ZNF671: variants seen among roughly 807,000 people sequenced by gnomAD.
The protein encoded by ZNF671 is zinc finger protein 671.
Under a neutral mutation model 16.6 loss-of-function variants are expected in ZNF671, and 19 were observed. That is an observed-to-expected ratio of 1.14 (90% CI 0.80 to 1.68). The LOEUF (loss-of-function observed/expected upper bound fraction) is 1.68, where lower values mean the gene tolerates loss of function less well. Among genes scored for constraint, ZNF671 ranks in the 40% most tolerant of loss-of-function variants. The pLI, the probability that ZNF671 is intolerant of heterozygous loss-of-function variation, is 0.00. For synonymous variants in ZNF671, 238 were observed against 236.3 expected (o/e 1.01, Z -0.06); for missense variants, 637 against 659.8 (o/e 0.97, Z 0.38).
chr19:57,724,527 A>T (rs75026112), intron 1 of ZNF671, among the ~76,000 whole-genome samples: 2 of 143,514 alleles, frequency 1.4e-5, no homozygotes, highest in Non-Finnish European at 1.5e-5. Context: ...ACACATAACA[A>T]TTTTTTTTTT....
chr19:57,727,198 T>A (rs192767319), intron 1 of ZNF671, 193 bp downstream of exon 1: 11 of 633,766 alleles, frequency 1.7e-5, no homozygotes, highest in Non-Finnish European at 2.8e-5. Context: ...TCCCAAATGT[T>A]TGGGGGTCAG....
intron 1 of ZNF671, among the ~76,000 whole-genome samples, chr19:57,724,405 A>G (rs1339058658): frequency 6.6e-6 from 1 of 152,146 alleles, no homozygotes; most frequent in African/African-American, 2.4e-5. Flanking sequence ...CTTAGAGGCC[A>G]CTGTAGGGTT....
At chr19:57,721,967 C>T in intron 3 of ZNF671, 1 of 564,608 alleles carries the variant, frequency 1.8e-6, no homozygotes, top group Non-Finnish European at 3.1e-6. Flanking sequence ...CTCGTGAGTG[C>T]TATGAAAAAT....
rs1263004579 is a variant in ZNF671, at chr19:57,721,141, A to T, written c.945T>A (p.Cys315Ter). ...GGCTGAAGAATTTCCCACATTCGTTACACTCATAAGGCCTTTCTCCAGTGT... is the reference window on the plus strand; with the variant it reads ...GGCTGAAGAATTTCCCACATTCGTTTCACTCATAAGGCCTTTCTCCAGTGT... ...RIHTGERPYE[C>*]NECGKFFSQS... Residue 315 changes from cysteine (C) to a stop codon, truncating the protein, a stop_gained, in exon 4 of 4, where the codon TGT (cysteine) becomes TGA (stop). Coordinates refer to ENST00000317398, the MANE Select transcript of ZNF671 (RefSeq NM_024833.3). LOFTEE classifies it low-confidence loss of function (END_TRUNC). The T allele has an allele frequency of 1.2e-6, 2 of 1,613,694 alleles. No homozygotes were observed. The highest frequency in any genetic ancestry group is 2.7e-5 in the African/African-American group (2 of 74,810).
rs1188217883 is a variant in ZNF671 at position 57,720,339 on chromosome 19, G to C, written c.*142C>G. 4.2e-6 allele frequency: 5 copies of C among 1,195,376 alleles called. No homozygotes were observed. Among genetic ancestry groups the C allele is most frequent in the Non-Finnish European group, 5.9e-6 (5 of 854,590 alleles). The allele number at this position is 1,195,376 out of a possible 1,614,324, so 74.0% of individuals were successfully genotyped here. On this transcript the variant is annotated 3_prime_UTR_variant, in exon 4 of 4. Transcript: ENST00000317398. ...GACTGCTAAGGCCTGTGTCCGGTGT[G>C]AAATTCCCAATGGCGGGTAAGGTTC...
chr19:57,723,477 C>T, intron 1 of ZNF671, 137 bp from the exon 2 acceptor site: 10 of 969,178 alleles, frequency 1.0e-5, no homozygotes, highest in Non-Finnish European at 1.5e-5. Context: ...CACTGATCCT[C>T]ACTCTCTCCT....
chr19:57,727,219 G>A (rs1234270163), intron 1 of ZNF671, 172 bp downstream of exon 1: 7 of 872,214 alleles, frequency 8.0e-6, no homozygotes, highest in South Asian at 2.2e-5. Flanking sequence ...CAGCACCCCC[G>A]AGCCTTTACC....
At position 57,727,604 on chromosome 19, in the gene ZNF671, C is replaced by G; in HGVS notation, c.-76G>C. 2.0e-6 allele frequency: 3 copies of G among 1,534,516 alleles called. No homozygotes were observed. Among genetic ancestry groups the G allele is most frequent in the South Asian group, 1.2e-5 (1 of 80,826 alleles). ...AGAACCCCGGCCAGGGACAGCCTGA[C>G]AGAAACAAAATGTCCGCTACAAGGA... is the stretch of plus-strand genomic sequence containing the variant. On this transcript the variant is annotated 5_prime_UTR_variant, in exon 1 of 4. Coordinates refer to ENST00000317398, the MANE Select transcript of ZNF671 (RefSeq NM_024833.3).
intron 1 of ZNF671, among the ~76,000 whole-genome samples, chr19:57,725,987 A>G (rs1986030427): frequency 6.6e-6 from 1 of 152,086 alleles, no homozygotes; most frequent in African/African-American, 2.4e-5. Flanking sequence ...GTGGCTCACA[A>G]CTGTAATCCA....
In ZNF671 at chr19:57,721,180, C is replaced by G; in HGVS notation, c.906G>C (p.Arg302=). Reference sequence around the variant, plus strand: ...TTTCTCCAGTGTGGATTCTCTGATGCCGAGCAAGTGTGTCTTTGCGGGTGA... The same window carrying G: ...TTTCTCCAGTGTGGATTCTCTGATGGCGAGCAAGTGTGTCTTTGCGGGTGA... The part of the protein sequence containing the change: ...KAFTRKDTLA[R]HQRIHTGERP... Residue 302 remains arginine (R), a synonymous_variant, in exon 4 of 4, where the codon CGG becomes CGC. Transcript: ENST00000317398. The G allele has an allele frequency of 1.2e-6, 2 of 1,613,220 alleles. No homozygotes were observed. Among genetic ancestry groups the G allele is most frequent in the Non-Finnish European group, 1.7e-6 (2 of 1,179,350 alleles).
chr19:57,723,388 G>C, intron 1 of ZNF671, 48 bp from the exon 2 acceptor site: 1 of 1,561,472 alleles, frequency 6.4e-7, no homozygotes, highest in Non-Finnish European at 8.7e-7. Context: ...CTTGACCAAT[G>C]ATCCCCAGTC....
In ZNF671 at chr19:57,720,692, T is replaced by C; in HGVS notation, c.1394A>G (p.Lys465Arg). Reference protein sequence around the residue: ...RCGKAFSCISKLIQHQKVHSG... With the variant: ...RCGKAFSCISRLIQHQKVHSG... Reference sequence around the variant, plus strand: ...GTGAACTTTCTGGTGCTGAATGAGTTTGGAGATGCAGCTGAAAGCTTTACC... The same window carrying C: ...GTGAACTTTCTGGTGCTGAATGAGTCTGGAGATGCAGCTGAAAGCTTTACC... The change falls in exon 4 of 4, where the codon AAA becomes AGA. Residue 465 changes from lysine (K) to arginine (R), a missense_variant. Transcript: ENST00000317398. The C allele has an allele frequency of 6.8e-6, 11 of 1,614,192 alleles. No individual in the cohort carries two copies. The highest frequency in any genetic ancestry group is 8.5e-6 in the Non-Finnish European group (10 of 1,180,040).
chr19:57,724,710 A>G (rs925760224), intron 1 of ZNF671, among the ~76,000 whole-genome samples: 2 of 151,958 alleles, frequency 1.3e-5, no homozygotes, highest in African/African-American at 4.8e-5. Context: ...TATTTTCAGT[A>G]GAGACAAGGT....
At chr19:57,724,401 G>A (rs1309307727) in intron 1 of ZNF671, among the ~76,000 whole-genome samples, 3 of 152,130 alleles carry the variant, frequency 2.0e-5, no homozygotes, top group African/African-American at 7.2e-5. Context: ...AACTCTTAGA[G>A]GCCACTGTAG....
At position 57,720,901 on chromosome 19, in the gene ZNF671, C is replaced by T; in HGVS notation, c.1185G>A (p.Arg395=). Residue 395 remains arginine, a synonymous_variant, in exon 4 of 4, where the codon AGG becomes AGA. Transcript: ENST00000317398. The part of the protein sequence containing the change: ...IRHQEVHTGA[R]PYVCSECGKE... Reference sequence around the variant, plus strand: ...TCCCACATTCGCTGCATACATAAGGCCTGGCTCCTGTGTGAACTTCCTGGT... The same window carrying T: ...TCCCACATTCGCTGCATACATAAGGTCTGGCTCCTGTGTGAACTTCCTGGT... 6.2e-7 allele frequency: 1 copy of T among 1,614,116 alleles called. No homozygotes were observed. Among genetic ancestry groups the T allele is most frequent in the Non-Finnish European group, 8.5e-7 (1 of 1,180,030 alleles).
chr19:57,723,283 G>A lies in ZNF671; in HGVS notation c.196C>T (p.Leu66Phe), dbSNP rs370759192. ...VYFSREEWEL[L>F]DDAQRLLYHD... ...TACAAAAGTCTCTGAGCATCATCAA[G>A]AAGCTCCCATTCTTCCCGAGAGAAG... Residue 66 changes from leucine (L) to phenylalanine (F), a missense_variant, in exon 2 of 4, where the codon CTT becomes TTT. Coordinates refer to ENST00000317398, the MANE Select transcript of ZNF671 (RefSeq NM_024833.3). 1.4e-5 allele frequency: 23 copies of A among 1,613,636 alleles called. No homozygotes were observed. Among genetic ancestry groups the A allele is most frequent in the Non-Finnish European group, 1.8e-5 (21 of 1,179,808 alleles).
At position 57,720,426 on chromosome 19, in the gene ZNF671, C is replaced by T. The variant is rs1290529656; in HGVS notation, c.*55G>A. The stretch of plus-strand genomic sequence containing the variant: ...TCATTAACTACTGCTAGTTCCCCAC[C>T]ATATAGTAAGTCAGGGGCATTGGCC... On this transcript the variant is annotated 3_prime_UTR_variant, in exon 4 of 4. Transcript: ENST00000317398. 1 of 1,570,802 alleles carries T rather than the reference C, an allele frequency of 6.4e-7. No individual in the cohort carries two copies. Among genetic ancestry groups the T allele is most frequent in the African/African-American group, 1.3e-5 (1 of 74,176 alleles).
In ZNF671 at chr19:57,721,138, G is replaced by A. The variant is rs775102159; in HGVS notation, c.948C>T (p.Asn316=). The change falls in exon 4 of 4, where the codon AAC becomes AAT. Residue 316 remains asparagine, a synonymous_variant. Coordinates refer to ENST00000317398, the MANE Select transcript of ZNF671 (RefSeq NM_024833.3). ...TTTGGCTGAAGAATTTCCCACATTC[G>A]TTACACTCATAAGGCCTTTCTCCAG... is the stretch of plus-strand genomic sequence containing the variant. ...IHTGERPYEC[N]ECGKFFSQSY... The A allele has an allele frequency of 2.4e-5, 39 of 1,613,650 alleles. No homozygotes were observed. Among genetic ancestry groups the A allele is most frequent in the South Asian group, 2.1e-4 (19 of 91,062 alleles).
chr19:57,725,118 T>C (rs1358483322), intron 1 of ZNF671, among the ~76,000 whole-genome samples: 3 of 151,832 alleles, frequency 2.0e-5, no homozygotes, highest in Non-Finnish European at 4.4e-5. Flanking sequence ...GTGAGATCCT[T>C]CTACTACACT....
Sources: allele counts gnomAD v4.1 joint callset (sites outside exome capture counted in the v4.1 genomes callset), GRCh38; gene constraint gnomAD v4.1.1; transcripts MANE v1.5; gene names NCBI Gene and HGNC (gene_info 2026-07-23, HGNC 2026-07-21).